AP3B1: variants seen among roughly 807,000 people sequenced by gnomAD.
The protein encoded by AP3B1 is adaptor related protein complex 3 subunit beta 1, also known as AP-3 complex subunit beta-1.
In AP3B1, 61 loss-of-function variants were observed where a neutral mutation model predicts 132.5. That is an observed-to-expected ratio of 0.46 (90% CI 0.37 to 0.57). The LOEUF (loss-of-function observed/expected upper bound fraction) is 0.57. Ranked by LOEUF, AP3B1 falls within the 20% of genes least tolerant of loss-of-function variation. The pLI, the probability that AP3B1 is intolerant of heterozygous loss-of-function variation, is 0.00. For missense variants in AP3B1, 1,120 were observed against 1,289.4 expected, an observed-to-expected ratio of 0.87 and a Z score of 2.01; for synonymous variants, 388 against 438.3, an observed-to-expected ratio of 0.89 and a Z score of 1.43.
At chr5:78,021,365 G>A (rs982127460) in intron 24 of AP3B1, among the ~76,000 whole-genome samples, 13 of 151,982 alleles carry the variant, frequency 8.6e-5, no homozygotes, top group African/African-American at 3.1e-4. Flanking sequence ...GACCAACATG[G>A]TAAAAGTTAT....
In AP3B1 at chr5:78,097,538, G is replaced by A. The variant is rs4703751; in HGVS notation, c.2470+3415C>T. On this transcript the variant is annotated intron_variant, in intron 21 of 26. Coordinates refer to ENST00000255194, the MANE Select transcript of AP3B1 (RefSeq NM_003664.5). ...GGGTCAGCCCCCCGCCCGGCCAGCC[G>A]CCCCGTCCGGGAGGGAGGTAGGGGG... Among the ~76,000 whole-genome samples, 696 of 77,286 alleles carry A rather than the reference G, an allele frequency of 9.0e-3. 45 individuals carry two copies. The highest frequency in any genetic ancestry group is 0.03 in the Admixed American group (195 of 6,508). The allele number at this position is 77,286 out of a possible 152,430, so 50.7% of individuals were successfully genotyped here. A position where few individuals can be genotyped will look rare whatever the true frequency, so the allele number is the denominator to read the frequency against.
At chr5:78,211,327 G>A (rs906168516) in intron 7 of AP3B1, among the ~76,000 whole-genome samples, 1 of 152,112 alleles carries the variant, frequency 6.6e-6, no homozygotes, top group African/African-American at 2.4e-5. Context: ...TATGGAAAAT[G>A]CACTGCAATT....
At chr5:78,145,759 C>G (rs572441328) in intron 14 of AP3B1, among the ~76,000 whole-genome samples, 1 of 152,298 alleles carries the variant, frequency 6.6e-6, no homozygotes, top group East Asian at 1.9e-4. Context: ...CATCCTCTTG[C>G]CTGTTCCCAC....
chr5:78,157,132 T>C (rs548905265), intron 13 of AP3B1, among the ~76,000 whole-genome samples: 2 of 152,234 alleles, frequency 1.3e-5, no homozygotes, highest in East Asian at 3.9e-4. Context: ...TCTGCCAGCC[T>C]CCTCTCCCTG....
At chr5:78,239,599 C>A (rs1747031062) in intron 3 of AP3B1, among the ~76,000 whole-genome samples, 1 of 147,262 alleles carries the variant, frequency 6.8e-6, no homozygotes, top group Non-Finnish European at 1.5e-5. Flanking sequence ...CATGGCGAAA[C>A]CCTGTCTCTA....
intron 22 of AP3B1, among the ~76,000 whole-genome samples, chr5:78,054,242 G>A (rs922341005): frequency 6.6e-6 from 1 of 152,188 alleles, no homozygotes; most frequent in Non-Finnish European, 1.5e-5. Context: ...AGACTGTGAG[G>A]TTACATGTTG....
In AP3B1 at chr5:78,260,238, C is replaced by T. The variant is rs193076721; in HGVS notation, c.204+7282G>A. 2.4e-4 allele frequency among the ~76,000 whole-genome samples: 36 copies of T among 152,210 alleles called. No individual in the cohort carries two copies. In the Middle Eastern group the frequency reaches 0.014, roughly 58 times the overall value. ...AAGGACTTTGAAAGAATGCCATCTA[C>T]ATTCTCTTCCTAAATGAAATGCCCC... On this transcript the variant is annotated intron_variant, in intron 2 of 26. Coordinates refer to ENST00000255194, the MANE Select transcript of AP3B1 (RefSeq NM_003664.5).
At chr5:78,033,794 T>C (rs1016255569) in intron 24 of AP3B1, among the ~76,000 whole-genome samples, 2 of 151,990 alleles carry the variant, frequency 1.3e-5, no homozygotes, top group African/African-American at 2.4e-5. Context: ...AAAAAAGCTC[T>C]TCTGAACAGC....
intron 7 of AP3B1, among the ~76,000 whole-genome samples, chr5:78,192,801 T>C (rs1326892853): frequency 6.6e-6 from 1 of 152,150 alleles, no homozygotes; most frequent in African/African-American, 2.4e-5. Context: ...TGGCCTTTTT[T>C]CCATCATGTG....
At position 78,240,681 on chromosome 5, in the gene AP3B1, T is replaced by C. The variant is rs115570991; in HGVS notation, c.279+181A>G. Among the ~76,000 whole-genome samples the C allele has an allele frequency of 0.024, 3,635 of 152,280 alleles. 140 individuals carry two copies. Among genetic ancestry groups the C allele is most frequent in the African/African-American group, 0.083 (3,446 of 41,534 alleles). ...TGCTTTTCATATTTTCTACCAAAAA[T>C]CCAAAGCTAGGATTGTGCCTACTTT... On this transcript the variant is annotated intron_variant, in intron 3 of 26. Coordinates refer to ENST00000255194, the MANE Select transcript of AP3B1 (RefSeq NM_003664.5).
At chr5:78,008,212 T>C (rs1746477170) in intron 26 of AP3B1, among the ~76,000 whole-genome samples, 1 of 152,200 alleles carries the variant, frequency 6.6e-6, no homozygotes, top group Admixed American at 6.5e-5. Flanking sequence ...GGAAAACTAA[T>C]AGTAAAACAA....
At chr5:78,116,316 A>G (rs1411987587) in intron 17 of AP3B1, 82 bp from the exon 18 acceptor site, 53 of 1,267,302 alleles carry the variant, frequency 4.2e-5, no homozygotes, top group Non-Finnish European at 1.4e-5. Context: ...TTAACAACAT[A>G]ACTGAATTCA....
At chr5:78,272,785 G>C (rs1284894812) in intron 1 of AP3B1, among the ~76,000 whole-genome samples, 3 of 152,082 alleles carry the variant, frequency 2.0e-5, no homozygotes, top group Non-Finnish European at 4.4e-5. Context: ...GGAGCAAAGG[G>C]GGACAGGGAG....
chr5:78,160,691 A>G (rs1743353398), intron 13 of AP3B1, among the ~76,000 whole-genome samples: 1 of 152,116 alleles, frequency 6.6e-6, no homozygotes, highest in South Asian at 2.1e-4. Flanking sequence ...TTTTAAAGAA[A>G]CTGAGTCTTC....
chr5:78,224,905 A>C (rs1746341550), intron 6 of AP3B1, among the ~76,000 whole-genome samples: 1 of 152,126 alleles, frequency 6.6e-6, no homozygotes. Context: ...GAATAGAACA[A>C]GTAGGCATAA....
intron 22 of AP3B1, among the ~76,000 whole-genome samples, chr5:78,046,364 G>A (rs1159343227): frequency 6.6e-6 from 1 of 152,160 alleles, no homozygotes; most frequent in Non-Finnish European, 1.5e-5. Context: ...AGCATCTAAC[G>A]CCTGCCTGAT....
chr5:78,280,937 A>AT (rs1189120549), intron 1 of AP3B1, among the ~76,000 whole-genome samples: 1 of 152,200 alleles, frequency 6.6e-6, no homozygotes, highest in Non-Finnish European at 1.5e-5. Flanking sequence ...TACACTCAAA[A>AT]ATGGTTAAGA....
chr5:78,119,560 C>T (rs906219837), intron 17 of AP3B1, among the ~76,000 whole-genome samples: 113 of 152,044 alleles, frequency 7.4e-4, no homozygotes, highest in African/African-American at 2.6e-3. Flanking sequence ...CCTCAGGAGC[C>T]GACGCGATCA....
chr5:78,074,728 C>G (rs1029498096), intron 22 of AP3B1, among the ~76,000 whole-genome samples: 1 of 152,164 alleles, frequency 6.6e-6, no homozygotes, highest in Admixed American at 6.5e-5. Flanking sequence ...ACAGGTGGAT[C>G]ACCTGAGGTT....
Sources: gnomAD v4.1 joint callset for allele counts (sites outside exome capture counted in the v4.1 genomes callset) on GRCh38, gnomAD v4.1.1 for gene constraint, MANE v1.5 for transcripts, NCBI Gene and HGNC (gene_info 2026-07-23, HGNC 2026-07-21) for gene names.